SNRPN: variants seen among roughly 807,000 people sequenced by gnomAD.
SNRPN encodes the protein small nuclear ribonucleoprotein polypeptide N, also known as small nuclear ribonucleoprotein-associated protein N.
In SNRPN, 7 loss-of-function variants were observed where a neutral mutation model predicts 25.2. The observed-to-expected ratio is 0.28, with a 90% confidence interval of 0.16 to 0.52. The LOEUF is 0.52. Among genes scored for constraint, SNRPN ranks in the 20% least tolerant of loss-of-function variants. The pLI is 0.96. For synonymous variants in SNRPN, 124 were observed against 110.6 expected, an observed-to-expected ratio of 1.12 and a Z score of -0.76; for missense variants, 196 against 322.5, an observed-to-expected ratio of 0.61 and a Z score of 3.00.
rs565063523 is a variant in SNRPN at position 24,966,281 on chromosome 15, C to A, written c.-294-1651C>A. Among the ~76,000 whole-genome samples, 391 of 146,148 alleles carry A rather than the reference C, an allele frequency of 2.7e-3. 1 individual carries two copies. The highest frequency in any genetic ancestry group is 0.011 in the African/African-American group (381 of 36,198). ...AGATCTCAAGAAAGTGCTATACTTA[C>A]TAGTTTTTTTTATAAAGGATACAAA... On this transcript the variant is annotated intron_variant, in intron 2 of 9. Coordinates refer to ENST00000390687, the MANE Select transcript of SNRPN (RefSeq NM_003097.6).
chr15:24,959,989 G>A (rs1393936204), intron 1 of SNRPN, among the ~76,000 whole-genome samples: 1 of 152,182 alleles, frequency 6.6e-6, no homozygotes, highest in Non-Finnish European at 1.5e-5. Context: ...AACTGTCTGG[G>A]CATGGTGGCT....
At chr15:24,957,775 C>T (rs985224018) in intron 1 of SNRPN, among the ~76,000 whole-genome samples, 21 of 151,962 alleles carry the variant, frequency 1.4e-4, no homozygotes, top group African/African-American at 5.1e-4. Context: ...AGTTCACATA[C>T]ATATATTTCT....
At chr15:24,943,726 G>T (rs1053681438) in intron 3 of SNRPN, among the ~76,000 whole-genome samples, 2 of 152,072 alleles carry the variant, frequency 1.3e-5, no homozygotes, top group Non-Finnish European at 2.9e-5. Flanking sequence ...TATCCTAAAG[G>T]CCTATGCTGC....
chr15:24,848,487 A>G (rs1430261702), intron 2 of SNRPN: 1 of 152,102 alleles, frequency 6.6e-6, no homozygotes, highest in African/African-American at 2.4e-5. Flanking sequence ...TTACTCTTGT[A>G]TTAACTTTGT....
chr15:24,910,542 A>T (rs574078337), intron 2 of SNRPN, among the ~76,000 whole-genome samples: 3 of 152,200 alleles, frequency 2.0e-5, no homozygotes, highest in Admixed American at 2.0e-4. Flanking sequence ...CCCAGGCAGG[A>T]GTGCAATGGT....
chr15:24,951,710 G>T (rs949766316), upstream of SNRPN, among the ~76,000 whole-genome samples: 1 of 151,996 alleles, frequency 6.6e-6, no homozygotes, highest in Admixed American at 6.6e-5. Flanking sequence ...GTTTCACCAC[G>T]TTGGCCAGAA....
At chr15:24,972,359 A>G (rs1566971669) in intron 3 of SNRPN, among the ~76,000 whole-genome samples, 1 of 152,122 alleles carries the variant, frequency 6.6e-6, no homozygotes, top group Non-Finnish European at 1.5e-5. Flanking sequence ...AAAACTTCTA[A>G]GTTATAGTCC....
chr15:24,826,261 C>G (rs544088621), intron 1 of SNRPN, among the ~76,000 whole-genome samples: 1 of 152,146 alleles, frequency 6.6e-6, no homozygotes, highest in Non-Finnish European at 1.5e-5. Context: ...ACTTGGAGGT[C>G]TTGATGGAAT....
chr15:24,932,620 AC>A (rs1193706689), intron 3 of SNRPN, among the ~76,000 whole-genome samples: 2 of 150,686 alleles, frequency 1.3e-5, no homozygotes, highest in Non-Finnish European at 3.0e-5. Context: ...TGTGTATTCC[AC>A]CAATAAGAGT....
intron 2 of SNRPN, among the ~76,000 whole-genome samples, chr15:24,911,509 A>G (rs1211823291): frequency 6.6e-6 from 1 of 152,158 alleles, no homozygotes; most frequent in Admixed American, 6.5e-5. Flanking sequence ...TGCCTCATGT[A>G]TCTGCTCCCT....
chr15:24,954,959 A>G, upstream of SNRPN: 1 of 1,583,060 alleles, frequency 6.3e-7, no homozygotes, highest in South Asian at 1.1e-5. Flanking sequence ...ATGTGTGCGA[A>G]GCCTGCCGCT....
rs1478230285 is a variant in SNRPN at position 24,890,906 on chromosome 15, AATT to A, written c.-505+4327_-505+4329del. Among the ~76,000 whole-genome samples the A allele has an allele frequency of 2.0e-5, 3 of 152,158 alleles. No homozygotes were observed. The South Asian group carries it at 6.2e-4, about 32-fold the overall frequency. ...GAAATAGATAAAATGCCATTTTTAA[AATT>A]ATTATTATTTTTTATTTTTTTGATA... On this transcript the variant is annotated intron_variant, in intron 2 of 11. Transcript: ENST00000400097.
intron 2 of SNRPN, among the ~76,000 whole-genome samples, chr15:24,848,096 G>A (rs1010207919): frequency 6.6e-5 from 10 of 151,926 alleles, no homozygotes; most frequent in African/African-American, 2.4e-4. Flanking sequence ...GCGATTCTGA[G>A]CGGTGCCTCA....
At chr15:24,902,265 T>A (rs1432293888) in intron 2 of SNRPN, among the ~76,000 whole-genome samples, 1 of 152,066 alleles carries the variant, frequency 6.6e-6, no homozygotes, top group African/African-American at 2.4e-5. Flanking sequence ...GATATAAAAT[T>A]TGTGATTTAG....
chr15:24,879,474 T>C (rs1385973859), intron 1 of SNRPN, among the ~76,000 whole-genome samples: 1 of 152,136 alleles, frequency 6.6e-6, no homozygotes, highest in Non-Finnish European at 1.5e-5. Flanking sequence ...ATACATTTAA[T>C]TGAAGCTCAG....
intron 2 of SNRPN, among the ~76,000 whole-genome samples, chr15:24,841,349 C>T (rs1312383835): frequency 1.3e-5 from 2 of 152,022 alleles, no homozygotes; most frequent in Non-Finnish European, 2.9e-5. Flanking sequence ...CTATAATGCA[C>T]TCAGGGTGGG....
At chr15:24,838,142 C>T (rs1306109413) in intron 2 of SNRPN, among the ~76,000 whole-genome samples, 1 of 151,272 alleles carries the variant, frequency 6.6e-6, no homozygotes. Flanking sequence ...TCAAGTGATT[C>T]TCCAGCCTCA....
chr15:24,901,024 AG>A (rs1465081344), intron 2 of SNRPN, among the ~76,000 whole-genome samples: 1 of 152,166 alleles, frequency 6.6e-6, no homozygotes, highest in African/African-American at 2.4e-5. Context: ...TGAGCCCTGG[AG>A]GTTGAGGGTG....
At chr15:24,962,083 A>C (rs779030659) in intron 1 of SNRPN, 31 bp from the exon 2 acceptor site, 3 of 1,557,572 alleles carry the variant, frequency 1.9e-6, no homozygotes, top group Non-Finnish European at 2.7e-6. Flanking sequence ...GATGCAGTCT[A>C]CCAAACAAAT....
Sources: allele counts gnomAD v4.1 joint callset (sites outside exome capture counted in the v4.1 genomes callset), GRCh38; gene constraint gnomAD v4.1.1; transcripts MANE v1.5; gene names NCBI Gene and HGNC (gene_info 2026-07-23, HGNC 2026-07-21).